The following ARRDC2 variants were observed in gnomAD, a reference collection of about 807,000 sequenced individuals.
ARRDC2 encodes arrestin domain-containing protein 2.
In ARRDC2, 39 loss-of-function variants were observed where a neutral mutation model predicts 38.9. The ratio of observed to expected loss-of-function variants is 1.00; its 90% CI spans 0.78 to 1.31. ARRDC2 has a LOEUF of 1.31. ARRDC2 is among the 50% of genes most tolerant of loss of function. The pLI, the probability that ARRDC2 is intolerant of heterozygous loss-of-function variation, is 0.00. For synonymous variants in ARRDC2, 300 were observed against 261.9 expected (o/e 1.15, Z -1.41); for missense variants, 553 against 588.4 (o/e 0.94, Z 0.62).
At chr19:18,007,834 G>C, upstream of ARRDC2, 1 of 209,834 alleles carries the variant, frequency 4.8e-6, no homozygotes, top group Non-Finnish European at 9.7e-6. Context: ...CGTCAACGAG[G>C]GGCGGCTGGT....
chr19:18,008,116 A>ACGC, upstream of ARRDC2: 297 of 522,468 alleles, frequency 5.7e-4, 1 homozygote, highest in Non-Finnish European at 8.1e-4. Flanking sequence ...AGAGACGGTG[A>ACGC]CCCCACCCCC....
At chr19:18,006,361 C>G (rs1407629774), upstream of ARRDC2, among the ~76,000 whole-genome samples, 1 of 152,124 alleles carries the variant, frequency 6.6e-6, no homozygotes, top group African/African-American at 2.4e-5. Flanking sequence ...TAACGAGACT[C>G]TGTCTGCAAT....
In ARRDC2 at chr19:18,013,543, CAGTG is replaced by C. The variant is rs2033454041; in HGVS notation, c.*580_*583del. 1 of 152,602 alleles carries C rather than the reference CAGTG, an allele frequency of 6.6e-6. No individual in the cohort carries two copies. Among genetic ancestry groups the C allele is most frequent in the African/African-American group, 2.4e-5 (1 of 41,432 alleles). The allele number at this position is 152,602 out of a possible 1,614,324, so 9.5% of individuals were successfully genotyped here. A position where few individuals can be genotyped will look rare whatever the true frequency, so the allele number is the denominator to read the frequency against. ...CAGGTGCCTCAGAGTTGAGGCCACACAGTGAGGTCTGGTGGGTGAAAGGACCCAG... is the reference window on the plus strand; with the variant it reads ...CAGGTGCCTCAGAGTTGAGGCCACACAGGTCTGGTGGGTGAAAGGACCCAG... On this transcript the variant is annotated 3_prime_UTR_variant, in exon 8 of 8. Coordinates refer to ENST00000222250, the MANE Select transcript of ARRDC2 (RefSeq NM_015683.2).
chr19:18,002,646 C>T (rs1212914750), intron 1 of ARRDC2, among the ~76,000 whole-genome samples: 5 of 152,156 alleles, frequency 3.3e-5, no homozygotes, highest in East Asian at 1.9e-4. Flanking sequence ...GCCACAGGTG[C>T]GGGGGACCCT....
chr19:18,005,579 G>GC (rs762214518), upstream of ARRDC2, among the ~76,000 whole-genome samples: 1 of 150,144 alleles, frequency 6.7e-6, no homozygotes, highest in Non-Finnish European at 1.5e-5. Context: ...GGGCAGAGGT[G>GC]CCCCCTCACC....
At chr19:18,001,143 G>A in exon 1 of ARRDC2, 1 of 670,816 alleles carries the variant, frequency 1.5e-6, no homozygotes, top group African/African-American at 1.9e-5. Flanking sequence ...CAGGAAGTTC[G>A]CCGACGACGC....
At position 18,008,742 on chromosome 19, in the gene ARRDC2, G is replaced by A; in HGVS notation, c.306G>A (p.Gly102=). ...DTGETTTLPP[G]RHEFLFSFQL... is the part of the protein sequence containing the mutation. ...GGGAGACCACGACGCTGCCTCCTGG[G>A]CGCCATGAGTTCCTGTTCAGCTTCC... is the stretch of plus-strand genomic sequence containing the variant. The change falls in exon 2 of 8, where the codon GGG becomes GGA. Residue 102 remains glycine, a synonymous_variant. Transcript: ENST00000222250. 1 of 1,613,556 alleles carries A rather than the reference G, an allele frequency of 6.2e-7. No homozygotes were observed. Among genetic ancestry groups the A allele is most frequent in the Non-Finnish European group, 8.5e-7 (1 of 1,180,004 alleles).
upstream of ARRDC2, among the ~76,000 whole-genome samples, chr19:18,006,507 C>T (rs2033281986): frequency 6.6e-6 from 1 of 152,134 alleles, no homozygotes; most frequent in East Asian, 1.9e-4. Context: ...CAATCGCAGG[C>T]ACTCGGCAGG....
rs541433547 is a variant in ARRDC2, at chr19:18,012,855, TATTTCTGA to T, written c.1171-50_1171-43del. ...TGGGAGATGGCTAGATGGGGAGCGG[TATTTCTGA>T]ATTTCTGTTTCCAGTGTTCTCTGAG... On this transcript the variant is annotated intron_variant, in intron 7 of 7. Transcript: ENST00000222250. 5.7e-4 allele frequency: 882 copies of T among 1,555,888 alleles called. 10 individuals carry two copies. In the South Asian group the frequency reaches 9.4e-3, roughly 17 times the overall value.
upstream of ARRDC2, chr19:18,008,136 G>GC: frequency 5.3e-5 from 19 of 358,348 alleles, no homozygotes; most frequent in East Asian, 1.9e-4. Flanking sequence ...CCCCCGCCCT[G>GC]CCGTATAAAA....
chr19:18,001,509 C>T, exon 1 of ARRDC2: 2 of 1,384,566 alleles, frequency 1.4e-6, no homozygotes, highest in East Asian at 3.1e-5. Context: ...TGGGCGTCAA[C>T]GCCGTATCCA....
At chr19:18,010,751 C>T (rs376788085) in intron 7 of ARRDC2, 22 bp downstream of exon 7, 1 of 1,608,854 alleles carries the variant, frequency 6.2e-7, no homozygotes, top group Non-Finnish European at 8.5e-7. Flanking sequence ...GGTCTGAGAA[C>T]CACCCATGCC....
intron 3 of ARRDC2, 185 bp downstream of exon 3, chr19:18,009,303 G>C: frequency 1.4e-6 from 1 of 728,524 alleles, no homozygotes; most frequent in South Asian, 1.8e-5. Context: ...CTCTGGGCAA[G>C]TGTCTTGAAG....
At chr19:18,001,268 G>T in exon 1 of ARRDC2, 1 of 1,170,094 alleles carries the variant, frequency 8.5e-7, no homozygotes, top group South Asian at 4.2e-5. Context: ...CGCCCGGGCC[G>T]TGTGCCTTCT....
chr19:18,004,671 A>G (rs1462343344), upstream of ARRDC2, among the ~76,000 whole-genome samples: 5 of 150,988 alleles, frequency 3.3e-5, no homozygotes, highest in East Asian at 7.9e-4. Context: ...CCTGGGTGTC[A>G]GAGCAGAGTG....
In ARRDC2 at chr19:18,002,262, G is replaced by A. The variant is rs536493701; in HGVS notation, c.259+689G>A. Among the ~76,000 whole-genome samples the A allele has an allele frequency of 7.9e-5, 12 of 152,306 alleles. No individual in the cohort carries two copies. The South Asian group carries it at 2.3e-3, about 29-fold the overall frequency. On this transcript the variant is annotated intron_variant, in intron 1 of 7. Coordinates refer to the ARRDC2 transcript ENST00000379656. ...GGTTGGGGGTCTGGTGGTATTTCCC[G>A]GTGAGGAGGTGGAAATGCATCCCAG...
upstream of ARRDC2, among the ~76,000 whole-genome samples, chr19:18,006,327 C>G (rs1035989483): frequency 1.3e-5 from 2 of 152,186 alleles, no homozygotes; most frequent in African/African-American, 4.8e-5. Context: ...TGCACTCCAG[C>G]CTGGGCACCA....
At chr19:18,003,421 C>T (rs992418422), upstream of ARRDC2, among the ~76,000 whole-genome samples, 13 of 150,534 alleles carry the variant, frequency 8.6e-5, no homozygotes, top group Non-Finnish European at 1.0e-4. Context: ...TGCCCGCCAC[C>T]ACACCCGGCT....
At chr19:18,001,267 C>T (rs2033179870) in exon 1 of ARRDC2, 4 of 1,168,272 alleles carry the variant, frequency 3.4e-6, no homozygotes, top group Non-Finnish European at 4.2e-6. Context: ...GCGCCCGGGC[C>T]GTGTGCCTTC....
Sources: gnomAD v4.1 joint callset for allele counts (sites outside exome capture counted in the v4.1 genomes callset) on GRCh38, gnomAD v4.1.1 for gene constraint, MANE v1.5 for transcripts, NCBI Gene and HGNC (gene_info 2026-07-23, HGNC 2026-07-21) for gene names.